The following NAV1 variants were observed in gnomAD, a reference collection of about 807,000 sequenced individuals.
NAV1 encodes the protein pore membrane and/or filament interacting like protein 3.
A neutral mutation model predicts 175.2 loss-of-function variants in NAV1; 18 were observed. The ratio of observed to expected loss-of-function variants is 0.10; its 90% CI spans 0.07 to 0.15. The LOEUF (loss-of-function observed/expected upper bound fraction) is 0.15. Ranked by LOEUF, NAV1 falls within the 10% of genes least tolerant of loss-of-function variation. The probability of loss-of-function intolerance (pLI) is 1.00; values close to 1 mark genes in which losing one functional copy is unlikely to be tolerated. For missense variants in NAV1, 1,731 were observed against 2,436.6 expected (o/e 0.71, Z 6.10); for synonymous variants, 897 against 978.7 (o/e 0.92, Z 1.56).
chr1:201,776,215 C>T (rs903269915), intron 3 of NAV1, among the ~76,000 whole-genome samples: 4 of 150,332 alleles, frequency 2.7e-5, no homozygotes, highest in African/African-American at 9.8e-5. Flanking sequence ...GAGGCCATTG[C>T]TCAAAAAGTA....
At chr1:201,793,572 C>T (rs973240504) in intron 13 of NAV1, 2 of 521,204 alleles carry the variant, frequency 3.8e-6, no homozygotes, top group South Asian at 4.2e-5. Flanking sequence ...CTACCCTCAA[C>T]CTGGCTTCAT....
chr1:201,783,921 C>T, intron 7 of NAV1, 69 bp downstream of exon 11: 1 of 1,399,204 alleles, frequency 7.1e-7, no homozygotes, highest in Non-Finnish European at 9.7e-7. Flanking sequence ...ATTGGCAATA[C>T]TATCCTATAT....
At chr1:201,632,585 G>A (rs1009800831) in intron 2 of NAV1, among the ~76,000 whole-genome samples, 1 of 152,274 alleles carries the variant, frequency 6.6e-6, no homozygotes, top group Non-Finnish European at 1.5e-5. Flanking sequence ...GGAGGACTGG[G>A]AAAGGTTGCC....
At chr1:201,549,106 T>C (rs1037340629) in intron 1 of NAV1, among the ~76,000 whole-genome samples, 1 of 149,780 alleles carries the variant, frequency 6.7e-6, no homozygotes, top group African/African-American at 2.5e-5. Context: ...TTTCTTTCTT[T>C]CTTTCTTTCT....
At chr1:201,639,489 C>T (rs1009288393) in intron 2 of NAV1, among the ~76,000 whole-genome samples, 10 of 152,182 alleles carry the variant, frequency 6.6e-5, no homozygotes, top group African/African-American at 1.4e-4. Flanking sequence ...AAACCAGTCA[C>T]GAGAAATAGA....
At chr1:201,630,921 C>T (rs989258845) in intron 2 of NAV1, among the ~76,000 whole-genome samples, 8 of 152,184 alleles carry the variant, frequency 5.3e-5, no homozygotes, top group African/African-American at 1.7e-4. Context: ...CGCTCGTTCA[C>T]GATTATTATC....
intron 1 of NAV1, among the ~76,000 whole-genome samples, chr1:201,554,804 C>T (rs768729707): frequency 1.3e-5 from 2 of 152,164 alleles, no homozygotes; most frequent in Non-Finnish European, 2.9e-5. Context: ...AAGTGGGTGG[C>T]TTAATGAAAC....
At chr1:201,584,727 A>G (rs1666975564) in intron 1 of NAV1, among the ~76,000 whole-genome samples, 1 of 152,168 alleles carries the variant, frequency 6.6e-6, no homozygotes, top group South Asian at 2.1e-4. Flanking sequence ...AGCCCTGCTG[A>G]CAGGCTGGGC....
At chr1:201,772,520 G>A (rs574672890) in intron 3 of NAV1, among the ~76,000 whole-genome samples, 2 of 152,300 alleles carry the variant, frequency 1.3e-5, no homozygotes, top group South Asian at 4.2e-4. Context: ...AGTGGATAAA[G>A]CATTATGTTT....
chr1:201,698,832 A>G (rs1671292693), intron 1 of NAV1, among the ~76,000 whole-genome samples: 1 of 152,242 alleles, frequency 6.6e-6, no homozygotes, highest in Admixed American at 6.5e-5. Context: ...GTCAAATGAC[A>G]AAAGCCTGCC....
exon 9 of NAV1, chr1:201,786,464 G>A: frequency 6.2e-7 from 1 of 1,613,870 alleles, no homozygotes; most frequent in African/African-American, 1.3e-5. Context: ...ACCAAGGAGA[G>A]GCGACATTCC....
intron 15 of NAV1, among the ~76,000 whole-genome samples, chr1:201,799,037 G>A (rs1286706852): frequency 6.6e-6 from 1 of 151,660 alleles, no homozygotes; most frequent in Admixed American, 6.6e-5. Context: ...ATAGTACTGT[G>A]GGAGAATGTT....
intron 28 of NAV1, among the ~76,000 whole-genome samples, chr1:201,814,183 A>G (rs1650058232): frequency 6.6e-6 from 1 of 152,100 alleles, no homozygotes; most frequent in South Asian, 2.1e-4. Flanking sequence ...GAGCTTGGGC[A>G]ACATGGGAGA....
chr1:201,725,224 G>A (rs936553464), intron 3 of NAV1, among the ~76,000 whole-genome samples: 1 of 152,218 alleles, frequency 6.6e-6, no homozygotes, highest in African/African-American at 2.4e-5. Flanking sequence ...GAATTTGAAT[G>A]GACAAGGAGT....
rs1678785861 is a variant in NAV1, at chr1:201,812,961, A to G, written c.5222-179A>G. ...TCCCTTATCTCACTTCTACCTTGTGAAGCAGGACTTATGAGATTGCCATCT... is the reference window on the plus strand; with the variant it reads ...TCCCTTATCTCACTTCTACCTTGTGGAGCAGGACTTATGAGATTGCCATCT... On this transcript the variant is annotated intron_variant, in intron 27 of 29. Coordinates refer to ENST00000367296, the Ensembl canonical transcript of NAV1. The surrounding 1 kb of genome is among the most constrained non-coding windows in gnomAD (Gnocchi z 4.6). Among the ~76,000 whole-genome samples, 1 of 152,224 alleles carries G rather than the reference A, an allele frequency of 6.6e-6. No homozygotes were observed. The highest frequency in any genetic ancestry group is 1.5e-5 in the Non-Finnish European group (1 of 68,034).
intron 1 of NAV1, among the ~76,000 whole-genome samples, chr1:201,555,760 A>G (rs541310077): frequency 3.3e-5 from 5 of 151,258 alleles, no homozygotes; most frequent in Admixed American, 2.0e-4. Context: ...GGAGGCAGGA[A>G]AAAGGTGTTT....
rs1678736611 is a variant in NAV1, at chr1:201,812,251, CAGA to C, written c.5025-211_5025-209del. Among the ~76,000 whole-genome samples, 1 of 152,182 alleles carries C rather than the reference CAGA, an allele frequency of 6.6e-6. No individual in the cohort carries two copies. The highest frequency in any genetic ancestry group is 2.4e-5 in the African/African-American group (1 of 41,458). On this transcript the variant is annotated intron_variant, in intron 26 of 29. Transcript: ENST00000367296. This position sits in a 1 kb window ranked among gnomAD's most constrained non-coding sequence, Gnocchi z 4.6. ...ACACGCTGATCTGGGTCAGTGATGT[CAGA>C]AGGTTATCCGAAGAGGGCTACCAAT... is the stretch of plus-strand genomic sequence containing the variant.
chr1:201,659,577 G>T (rs1424821829), intron 1 of NAV1, among the ~76,000 whole-genome samples: 1 of 152,134 alleles, frequency 6.6e-6, no homozygotes, highest in Non-Finnish European at 1.5e-5. Context: ...CTATGATTGG[G>T]CCACTGCACT....
intron 1 of NAV1, among the ~76,000 whole-genome samples, chr1:201,707,599 C>T (rs1671723684): frequency 6.6e-6 from 1 of 152,208 alleles, no homozygotes; most frequent in Non-Finnish European, 1.5e-5. Flanking sequence ...GTCCCAATCT[C>T]TTGATGAGCA....
Sources: gnomAD v4.1 joint callset for allele counts (sites outside exome capture counted in the v4.1 genomes callset) on GRCh38, gnomAD v4.1.1 for gene constraint, Gnocchi (gnomAD v3.1) non-coding constraint, MANE v1.5 for transcripts, NCBI Gene and HGNC (gene_info 2026-07-23, HGNC 2026-07-21) for gene names.